The following NACC1 variants were observed in gnomAD, a reference collection of about 807,000 sequenced individuals.
The protein encoded by NACC1 is nucleus accumbens-associated protein 1.
In NACC1, 6 loss-of-function variants were observed where a neutral mutation model predicts 41.7. The ratio of observed to expected loss-of-function variants is 0.14; its 90% CI spans 0.08 to 0.28. The LOEUF is 0.28. Among genes scored for constraint, NACC1 ranks in the 10% least tolerant of loss-of-function variants. The pLI is 1.00. For synonymous variants in NACC1, 338 were observed against 330.6 expected (o/e 1.02, Z -0.24); for missense variants, 434 against 763.7 (o/e 0.57, Z 5.09).
In NACC1 at chr19:13,137,227, G is replaced by A. The variant is rs768635406; in HGVS notation, c.1121-44G>A. 11 of 1,584,210 alleles carry A rather than the reference G, an allele frequency of 6.9e-6. No individual in the cohort carries two copies. Among genetic ancestry groups the A allele is most frequent in the Admixed American group, 1.7e-5 (1 of 59,818 alleles). On this transcript the variant is annotated intron_variant, in intron 3 of 5. Coordinates refer to ENST00000292431, the MANE Select transcript of NACC1 (RefSeq NM_052876.4). This position sits in a 1 kb window ranked among gnomAD's most constrained non-coding sequence, Gnocchi z 6.1. The stretch of plus-strand genomic sequence containing the variant: ...GGCCTGGTATCATGGGGGCTGTGGC[G>A]GTTTGGGGGCACCCCAGGCCATCCT...
chr19:13,135,953 C>G lies in NACC1; in HGVS notation c.746C>G (p.Ala249Gly). The change falls in exon 2 of 6, where the codon GCA (alanine) becomes GGA (glycine). Residue 249 changes from alanine (A) to glycine (G), a missense_variant. By Grantham distance (60) the Ala-to-Gly change is moderately conservative. Transcript: ENST00000292431. ...AGQPAGGVAA[A>G]GGVVSGPSTS... The stretch of plus-strand genomic sequence containing the variant: ...CAGCCAGCCGGTGGGGTGGCAGCAG[C>G]AGGGGGTGTGGTGAGTGGGCCCAGC... 1 of 1,600,538 alleles carries G rather than the reference C, an allele frequency of 6.2e-7. No homozygotes were observed. The highest frequency in any genetic ancestry group is 8.5e-7 in the Non-Finnish European group (1 of 1,174,686).
rs1380690080 is a variant in NACC1, at chr19:13,138,602, C to T, written c.*196C>T. The T allele has an allele frequency of 8.0e-6, 6 of 746,642 alleles. No individual in the cohort carries two copies. The highest frequency in any genetic ancestry group is 2.7e-5 in the East Asian group (1 of 36,682). The allele number at this position is 746,642 out of a possible 1,614,324, so 46.3% of individuals were successfully genotyped here. A position where few individuals can be genotyped will look rare whatever the true frequency, so the allele number is the denominator to read the frequency against. ...CGGGAGAGGACCGCAGGGCAGGTGG[C>T]GTGAGGTCCGTGTTGCCTTCTTTAA... is the stretch of plus-strand genomic sequence containing the variant. On this transcript the variant is annotated 3_prime_UTR_variant, in exon 6 of 6. Transcript: ENST00000292431. This position sits in a 1 kb window ranked among gnomAD's most constrained non-coding sequence, Gnocchi z 5.7.
chr19:13,124,159 G>C (rs1318903190), intron 1 of NACC1, among the ~76,000 whole-genome samples: 1 of 152,194 alleles, frequency 6.6e-6, no homozygotes, highest in Non-Finnish European at 1.5e-5. Context: ...AGCTCTTTGG[G>C]AGGCTGAGGT....
intron 1 of NACC1, 125 bp from the exon 2 acceptor site, chr19:13,135,075 C>G (rs745557254): frequency 7.0e-7 from 1 of 1,422,320 alleles, no homozygotes; most frequent in East Asian, 2.5e-5. Flanking sequence ...ATGGTAGATT[C>G]CATCGTGCGG....
intron 1 of NACC1, among the ~76,000 whole-genome samples, 182 bp from the exon 2 acceptor site, chr19:13,135,018 T>C (rs765010615): frequency 3.3e-5 from 5 of 152,134 alleles, no homozygotes; most frequent in Non-Finnish European, 5.9e-5. Flanking sequence ...TAAAAGTGAG[T>C]CTGTACCAGG....
intron 1 of NACC1, among the ~76,000 whole-genome samples, chr19:13,118,803 G>A (rs1441687880): frequency 2.7e-5 from 4 of 147,524 alleles, no homozygotes; most frequent in Non-Finnish European, 4.5e-5. Flanking sequence ...AGGGGGAGGG[G>A]GAGGGGGAGG....
chr19:13,122,685 G>T (rs36083263), intron 1 of NACC1, among the ~76,000 whole-genome samples: 9 of 152,046 alleles, frequency 5.9e-5, no homozygotes, highest in Non-Finnish European at 1.3e-4. Context: ...TGAGGTTTGC[G>T]GGAGAGGTTG....
chr19:13,118,750 A>G (rs1243056914), intron 1 of NACC1, among the ~76,000 whole-genome samples: 1 of 108,342 alleles, frequency 9.2e-6, no homozygotes. Context: ...GGGAAGTTGG[A>G]GGGTCCGAGG....
At chr19:13,131,238 G>A (rs990502604) in intron 1 of NACC1, among the ~76,000 whole-genome samples, 7 of 152,216 alleles carry the variant, frequency 4.6e-5, no homozygotes, top group Admixed American at 3.3e-4. Flanking sequence ...TGGATGAACA[G>A]CCCATTTTAC....
At position 13,131,015 on chromosome 19, in the gene NACC1, G is replaced by A. The variant is rs568412276; in HGVS notation, c.-8-4185G>A. 2.2e-4 allele frequency among the ~76,000 whole-genome samples: 34 copies of A among 152,034 alleles called. No homozygotes were observed. The South Asian group carries it at 5.2e-3, about 23-fold the overall frequency. ...CCTGGACCACACCTGATACCTTCCC[G>A]CCCAGAAGTGTTATCTCTGTCCTGG... On this transcript the variant is annotated intron_variant, in intron 1 of 5. Transcript: ENST00000292431.
intron 1 of NACC1, among the ~76,000 whole-genome samples, chr19:13,130,251 A>T (rs1036281946): frequency 6.6e-6 from 1 of 151,776 alleles, no homozygotes. Flanking sequence ...TAATTTTAAA[A>T]TTTTTTGTAG....
rs1335513515 is a variant in NACC1, at chr19:13,138,441, C to T, written c.*35C>T. The T allele has an allele frequency of 3.1e-6, 5 of 1,597,070 alleles. No individual in the cohort carries two copies. In the Admixed American group the frequency reaches 6.7e-5, roughly 21 times the overall value. On this transcript the variant is annotated 3_prime_UTR_variant, in exon 6 of 6. Transcript: ENST00000292431. The surrounding 1 kb of genome is among the most constrained non-coding windows in gnomAD (Gnocchi z 5.7). ...CCTCCCGCGGGGCCACACACTTCCCCTCCCAACACACACACACACCTGCCA... is the reference window on the plus strand; with the variant it reads ...CCTCCCGCGGGGCCACACACTTCCCTTCCCAACACACACACACACCTGCCA...
chr19:13,121,560 A>G (rs891510237), intron 1 of NACC1, among the ~76,000 whole-genome samples: 1 of 152,152 alleles, frequency 6.6e-6, no homozygotes, highest in Middle Eastern at 3.2e-3. Flanking sequence ...TACAGGGTCT[A>G]TTGAAGGAGT....
rs1395641364 is a variant in NACC1 at position 13,136,203 on chromosome 19, G to A, written c.947-29G>A. On this transcript the variant is annotated intron_variant, in intron 2 of 5. Coordinates refer to ENST00000292431, the MANE Select transcript of NACC1 (RefSeq NM_052876.4). This position sits in a 1 kb window ranked among gnomAD's most constrained non-coding sequence, Gnocchi z 5.5. ...CCCACCAGCCACCCCTGCTCCTCCT[G>A]CCACTCGCGTGCCACTCTCTCCCTG... 1.2e-6 allele frequency: 2 copies of A among 1,605,416 alleles called. No individual in the cohort carries two copies. The highest frequency in any genetic ancestry group is 1.1e-5 in the South Asian group (1 of 90,078).
intron 1 of NACC1, among the ~76,000 whole-genome samples, chr19:13,129,730 G>T (rs2019608647): frequency 6.6e-6 from 1 of 152,172 alleles, no homozygotes; most frequent in African/African-American, 2.4e-5. Flanking sequence ...CTGAAGCTGA[G>T]GTTCACAAGG....
intron 1 of NACC1, chr19:13,131,606 T>G (rs1182494307): frequency 6.6e-6 from 1 of 152,252 alleles, no homozygotes; most frequent in Non-Finnish European, 1.5e-5. Flanking sequence ...TTTTGTTGCC[T>G]TGTAACTGGG....
chr19:13,119,262 G>A (rs1293114973), intron 1 of NACC1, among the ~76,000 whole-genome samples: 3 of 151,902 alleles, frequency 2.0e-5, no homozygotes, highest in Non-Finnish European at 2.9e-5. Context: ...CAAGTGTTAA[G>A]GGGTTCCGTC....
rs1419319197 is a variant in NACC1, at chr19:13,135,312, G to A, written c.105G>A (p.Val35=). 1.9e-6 allele frequency: 3 copies of A among 1,613,826 alleles called. No individual in the cohort carries two copies. The South Asian group carries it at 3.3e-5, about 18-fold the overall frequency. ...LQGLYCDVSV[V]VKGHAFKAHR... is the part of the protein sequence containing the mutation. The stretch of plus-strand genomic sequence containing the variant: ...GCCTGTACTGTGACGTGTCAGTGGT[G>A]GTCAAGGGCCATGCCTTCAAGGCCC... The change falls in exon 2 of 6, where the codon GTG becomes GTA. Residue 35 remains valine (V), a synonymous_variant. Transcript: ENST00000292431.
Position 13,135,657 on chromosome 19 carries a change from A to G in NACC1, c.450A>G (p.Thr150=), listed in dbSNP as rs1354477002. 1 of 1,559,694 alleles carries G rather than the reference A, an allele frequency of 6.4e-7. No individual in the cohort carries two copies. Among genetic ancestry groups the G allele is most frequent in the Non-Finnish European group, 8.6e-7 (1 of 1,156,510 alleles). ...SSEPQSPVAQ[T]SGWPACSTPL... is the part of the protein sequence containing the mutation. ...AGCCCCAGAGCCCCGTGGCGCAGAC[A>G]TCGGGCTGGCCAGCCTGTAGCACCC... Residue 150 remains threonine (T), a synonymous_variant, in exon 2 of 6, where the codon ACA becomes ACG. Coordinates refer to ENST00000292431, the MANE Select transcript of NACC1 (RefSeq NM_052876.4).
Sources: allele counts gnomAD v4.1 joint callset (sites outside exome capture counted in the v4.1 genomes callset), GRCh38; gene constraint gnomAD v4.1.1; non-coding constraint Gnocchi (gnomAD v3.1); transcripts MANE v1.5; gene names NCBI Gene and HGNC (gene_info 2026-07-23, HGNC 2026-07-21).